GAS2: variants seen among roughly 807,000 people sequenced by gnomAD.
GAS2 encodes growth arrest specific 2, also known as growth arrest-specific protein 2.
In GAS2, 20 loss-of-function variants were observed where a neutral mutation model predicts 37.5. The ratio of observed to expected loss-of-function variants is 0.53; its 90% confidence interval spans 0.37 to 0.77. The LOEUF (loss-of-function observed/expected upper bound fraction) is 0.77. Ranked by LOEUF, GAS2 falls within the 30% of genes least tolerant of loss-of-function variation. The pLI is 0.00. For missense variants in GAS2, 336 were observed against 373.4 expected (o/e 0.90, Z 0.82); for synonymous variants, 144 against 132.2 (o/e 1.09, Z -0.61).
intron 2 of GAS2, among the ~76,000 whole-genome samples, chr11:22,675,488 G>T (rs1302106067): frequency 6.6e-6 from 1 of 152,102 alleles, no homozygotes; most frequent in Non-Finnish European, 1.5e-5. Flanking sequence ...GCTGACTAGA[G>T]TCATCCCACC....
Position 22,739,376 on chromosome 11 carries a change from C to G in GAS2, c.473+1608C>G, listed in dbSNP as rs368832493. ...GATCACGAGGTCAGGAGATCGAGAC[C>G]ATCCTGACTAACAGAATGAAACCCT... On this transcript the variant is annotated intron_variant, in intron 5 of 7. Coordinates refer to ENST00000454584, the MANE Select transcript of GAS2 (RefSeq NM_001143830.3). Among the ~76,000 whole-genome samples, 10 of 151,772 alleles carry G rather than the reference C, an allele frequency of 6.6e-5. No homozygotes were observed. The East Asian group carries it at 1.9e-3, about 30-fold the overall frequency.
intron 1 of GAS2, among the ~76,000 whole-genome samples, chr11:22,633,573 G>A (rs1306473929): frequency 3.3e-5 from 5 of 152,172 alleles, no homozygotes; most frequent in Admixed American, 3.3e-4. Context: ...GGTGTTCATG[G>A]GTAAAAACAG....
At chr11:22,766,204 T>G (rs1854684523) in intron 7 of GAS2, among the ~76,000 whole-genome samples, 1 of 152,052 alleles carries the variant, frequency 6.6e-6, no homozygotes, top group Non-Finnish European at 1.5e-5. Context: ...CACCAAATGC[T>G]TTCTGTGTAT....
chr11:22,754,811 C>T (rs1853937217), intron 6 of GAS2, among the ~76,000 whole-genome samples: 1 of 152,130 alleles, frequency 6.6e-6, no homozygotes, highest in Non-Finnish European at 1.5e-5. Flanking sequence ...TCTTTCATGA[C>T]ATAAATGGGG....
chr11:22,663,411 A>AT (rs1197682405), upstream of GAS2, among the ~76,000 whole-genome samples: 5 of 152,042 alleles, frequency 3.3e-5, no homozygotes, highest in East Asian at 7.7e-4. Context: ...TTCTCAAAAA[A>AT]AAAAATAAAA....
chr11:22,729,456 T>G (rs1852371456), intron 4 of GAS2, among the ~76,000 whole-genome samples: 1 of 151,906 alleles, frequency 6.6e-6, no homozygotes, highest in South Asian at 2.1e-4. Context: ...GCTTCTTGTC[T>G]TTTTTATGCT....
chr11:22,712,395 A>T (rs1008697183), intron 3 of GAS2, among the ~76,000 whole-genome samples: 5 of 152,190 alleles, frequency 3.3e-5, no homozygotes, highest in African/African-American at 9.6e-5. Context: ...GACATTCCTT[A>T]GCACCAGCCT....
At chr11:22,774,087 G>A (rs1426926787) in intron 7 of GAS2, among the ~76,000 whole-genome samples, 1 of 152,220 alleles carries the variant, frequency 6.6e-6, no homozygotes, top group South Asian at 2.1e-4. Flanking sequence ...TCCGCCTCCC[G>A]GGTTCAAGCA....
chr11:22,730,615 A>G (rs1401868887), intron 4 of GAS2, among the ~76,000 whole-genome samples: 1 of 151,786 alleles, frequency 6.6e-6, no homozygotes, highest in African/African-American at 2.4e-5. Context: ...TTTTCATTAG[A>G]TTCCTTTAAA....
chr11:22,631,764 A>T (rs1858747307), intron 1 of GAS2, among the ~76,000 whole-genome samples: 1 of 151,754 alleles, frequency 6.6e-6, no homozygotes, highest in Non-Finnish European at 1.5e-5. Flanking sequence ...CATCAGAGAT[A>T]TTGGTCTGTA....
intron 7 of GAS2, among the ~76,000 whole-genome samples, chr11:22,766,532 C>A (rs562574303): frequency 6.6e-6 from 1 of 152,246 alleles, no homozygotes; most frequent in Non-Finnish European, 1.5e-5. Context: ...TGCATAGCTC[C>A]TAGTTTGCTT....
chr11:22,777,500 C>T (rs1165306002), intron 7 of GAS2, among the ~76,000 whole-genome samples: 1 of 152,012 alleles, frequency 6.6e-6, no homozygotes, highest in African/African-American at 2.4e-5. Flanking sequence ...TGAATTGTGA[C>T]AAGTAGGATC....
chr11:22,679,918 C>T (rs909849696), intron 2 of GAS2, among the ~76,000 whole-genome samples: 4 of 152,046 alleles, frequency 2.6e-5, no homozygotes, highest in Admixed American at 2.6e-4. Context: ...GTAATTTTCC[C>T]TTTCTTTGAG....
At chr11:22,645,589 T>A (rs757243765) in intron 1 of GAS2, among the ~76,000 whole-genome samples, 1 of 152,008 alleles carries the variant, frequency 6.6e-6, no homozygotes, top group Non-Finnish European at 1.5e-5. Context: ...GTGGGAAATA[T>A]TGAGAAAATT....
chr11:22,749,227 G>GA lies in GAS2; in HGVS notation c.587dup (p.Ser197GlufsTer8), dbSNP rs1565125070. The GA allele has an allele frequency of 4.3e-6, 7 of 1,611,012 alleles. No individual in the cohort carries two copies. Among genetic ancestry groups the GA allele is most frequent in the Admixed American group, 1.7e-5 (1 of 59,456 alleles). ...CCTTCTCCTTCATCAAAGTCTTCTG[G>GA]AAAAAAGAGTACAGGAAACTTACTG... On this transcript the variant is annotated frameshift_variant, in exon 6 of 8. Transcript: ENST00000454584. LOFTEE classifies it high-confidence loss of function.
chr11:22,689,965 T>A (rs753322987), intron 3 of GAS2, among the ~76,000 whole-genome samples: 1 of 152,234 alleles, frequency 6.6e-6, no homozygotes, highest in Non-Finnish European at 1.5e-5. Context: ...AGGGAGATGT[T>A]GAAACAGAAT....
intron 4 of GAS2, among the ~76,000 whole-genome samples, chr11:22,734,260 C>T (rs1852629204): frequency 6.6e-6 from 1 of 151,630 alleles, no homozygotes; most frequent in South Asian, 2.1e-4. Context: ...TGACATATGT[C>T]CTAATGCAAT....
intron 1 of GAS2, among the ~76,000 whole-genome samples, chr11:22,638,333 T>G (rs923551026): frequency 2.0e-5 from 3 of 152,026 alleles, no homozygotes; most frequent in African/African-American, 7.2e-5. Flanking sequence ...CTAAGTTTTG[T>G]TGTTATTATT....
intron 3 of GAS2, among the ~76,000 whole-genome samples, chr11:22,705,046 A>G (rs141780878): frequency 5.3e-5 from 8 of 152,084 alleles, no homozygotes; most frequent in African/African-American, 1.9e-4. Flanking sequence ...TTAAAACTCA[A>G]AGTAGATTAT....
Sources: gnomAD v4.1 joint callset for allele counts (sites outside exome capture counted in the v4.1 genomes callset) on GRCh38, gnomAD v4.1.1 for gene constraint, MANE v1.5 for transcripts, NCBI Gene and HGNC (gene_info 2026-07-23, HGNC 2026-07-21) for gene names.